KCNN2: variants seen among roughly 807,000 people sequenced by gnomAD.
KCNN2 encodes the protein small conductance calcium-activated potassium channel protein 2.
A neutral mutation model predicts 55.5 loss-of-function variants in KCNN2; 24 were observed. The ratio of observed to expected loss-of-function variants is 0.43; its 90% confidence interval spans 0.31 to 0.61. The LOEUF (loss-of-function observed/expected upper bound fraction) is 0.61, where lower values mean the gene tolerates loss of function less well. Among genes scored for constraint, KCNN2 ranks in the 20% least tolerant of loss-of-function variants. The probability of loss-of-function intolerance (pLI) is 0.08; values close to 1 mark genes in which losing one functional copy is unlikely to be tolerated. For synonymous variants in KCNN2, 431 were observed against 336.1 expected (o/e 1.28, Z -3.09); for missense variants, 754 against 853.6 (o/e 0.88, Z 1.45).
chr5:114,385,433 T>C (rs1758247135), intron 2 of KCNN2, among the ~76,000 whole-genome samples: 1 of 152,054 alleles, frequency 6.6e-6, no homozygotes. Context: ...AGCCAGAATC[T>C]TTCTTGTGGC....
intron 2 of KCNN2, among the ~76,000 whole-genome samples, chr5:114,312,432 CACATATATATATATATAT>C (rs1215909336): frequency 5.2e-5 from 1 of 19,310 alleles, no homozygotes; most frequent in African/African-American, 1.8e-4. Context: ...CACACACACA[CACATATATATATATATAT>C]ATATATATAT....
chr5:114,290,327 T>C (rs1755857497), intron 2 of KCNN2, among the ~76,000 whole-genome samples: 1 of 152,158 alleles, frequency 6.6e-6, no homozygotes, highest in Non-Finnish European at 1.5e-5. Context: ...GTTTTAGTAA[T>C]TTGTATATTT....
intron 1 of KCNN2, among the ~76,000 whole-genome samples, chr5:114,160,974 T>C (rs1177946886): frequency 1.3e-5 from 2 of 152,216 alleles, no homozygotes; most frequent in African/African-American, 4.8e-5. Context: ...CCAGTCTGTG[T>C]CTTTTAATTG....
rs946124581 is a variant in KCNN2, at chr5:114,362,535, G to A, written c.396G>A (p.Pro132=). The change falls in exon 1 of 8, where the codon CCG becomes CCA. Residue 132 remains proline, a synonymous_variant. Coordinates refer to ENST00000673685, the MANE Select transcript of KCNN2 (RefSeq NM_021614.4). ...GSQLNVSELT[P]SSHASALRQQ... The stretch of plus-strand genomic sequence containing the variant: ...AGCTCAATGTGAGCGAGCTGACGCC[G>A]TCCAGCCATGCCAGTGCGCTCCGGC... 3.7e-6 allele frequency: 2 copies of A among 547,534 alleles called. No homozygotes were observed. Among genetic ancestry groups the A allele is most frequent in the East Asian group, 3.3e-5 (1 of 30,002 alleles). 33.9% of individuals were successfully genotyped at this position (547,534 alleles called of 1,614,324 possible). A position where few individuals can be genotyped will look rare whatever the true frequency, so the allele number is the denominator to read the frequency against.
chr5:114,395,086 G>A (rs974204100), intron 2 of KCNN2, among the ~76,000 whole-genome samples: 5 of 152,112 alleles, frequency 3.3e-5, no homozygotes, highest in Admixed American at 6.6e-5. Context: ...AATTGTCCCC[G>A]ACTGCAAGAG....
intron 2 of KCNN2, among the ~76,000 whole-genome samples, chr5:114,367,580 G>C (rs1580755029): frequency 6.6e-6 from 1 of 151,944 alleles, no homozygotes; most frequent in African/African-American, 2.4e-5. Flanking sequence ...TTGATATTAA[G>C]TAAGTAGCCT....
At chr5:114,459,818 T>A (rs886306984) in intron 3 of KCNN2, among the ~76,000 whole-genome samples, 1 of 152,182 alleles carries the variant, frequency 6.6e-6, no homozygotes, top group African/African-American at 2.4e-5. Context: ...AGGATGACAA[T>A]CTCTGATGCA....
At chr5:114,059,530 G>A (rs932508121) in intron 1 of KCNN2, among the ~76,000 whole-genome samples, 1 of 152,200 alleles carries the variant, frequency 6.6e-6, no homozygotes, top group Non-Finnish European at 1.5e-5. Flanking sequence ...CAAAGTATAA[G>A]GAATAATAGG....
chr5:114,208,647 A>G (rs1753819018), intron 1 of KCNN2, among the ~76,000 whole-genome samples: 1 of 152,182 alleles, frequency 6.6e-6, no homozygotes, highest in Non-Finnish European at 1.5e-5. Context: ...AAGCTCAGGT[A>G]TATGATTCTA....
In KCNN2 at chr5:114,456,776, G is replaced by T. The variant is rs555171087; in HGVS notation, c.1638-6273G>T. On this transcript the variant is annotated intron_variant, in intron 3 of 7. Coordinates refer to ENST00000673685, the MANE Select transcript of KCNN2 (RefSeq NM_021614.4). Reference sequence around the variant, plus strand: ...TGAAAGGATTCAAATTTCAACAGAAGAAGTAGCTGCAGGTATAATGGAAAT... The same window carrying T: ...TGAAAGGATTCAAATTTCAACAGAATAAGTAGCTGCAGGTATAATGGAAAT... 6.6e-5 allele frequency among the ~76,000 whole-genome samples: 10 copies of T among 152,316 alleles called. No homozygotes were observed. The South Asian group carries it at 1.9e-3, about 28-fold the overall frequency.
chr5:114,242,423 T>C (rs1158025012), intron 2 of KCNN2, among the ~76,000 whole-genome samples: 1 of 152,190 alleles, frequency 6.6e-6, no homozygotes, highest in African/African-American at 2.4e-5. Flanking sequence ...TGATAACATA[T>C]CTAACAGGCA....
chr5:114,255,730 G>C (rs1488494625), intron 2 of KCNN2, among the ~76,000 whole-genome samples: 4 of 152,198 alleles, frequency 2.6e-5, no homozygotes, highest in Non-Finnish European at 5.9e-5. Flanking sequence ...AGCCAGATCA[G>C]AGATGATAGA....
At chr5:114,233,609 T>TA (rs1310878878) in intron 2 of KCNN2, among the ~76,000 whole-genome samples, 3 of 152,158 alleles carry the variant, frequency 2.0e-5, no homozygotes, top group Admixed American at 1.3e-4. Context: ...CCTGAACAGA[T>TA]ATATACAGTA....
chr5:114,210,363 T>G (rs2112581342), intron 1 of KCNN2, among the ~76,000 whole-genome samples: 1 of 152,250 alleles, frequency 6.6e-6, no homozygotes. Context: ...AAGGAAAATG[T>G]TGCAACTGGA....
At chr5:114,490,028 G>A (rs1466766648) in intron 6 of KCNN2, among the ~76,000 whole-genome samples, 1 of 152,136 alleles carries the variant, frequency 6.6e-6, no homozygotes, top group Non-Finnish European at 1.5e-5. Flanking sequence ...ATGCTGAACT[G>A]TCCAGGCCTG....
At chr5:114,399,565 T>G (rs926054107) in intron 2 of KCNN2, among the ~76,000 whole-genome samples, 3 of 152,184 alleles carry the variant, frequency 2.0e-5, no homozygotes, top group African/African-American at 7.2e-5. Flanking sequence ...TTTTATTTTT[T>G]TGTTGTGTCT....
At chr5:114,353,945 G>A (rs1757254902) in intron 2 of KCNN2, among the ~76,000 whole-genome samples, 2 of 151,968 alleles carry the variant, frequency 1.3e-5, no homozygotes, top group South Asian at 4.2e-4. Context: ...TCTTGGAGGT[G>A]TAGATGAATG....
intron 2 of KCNN2, among the ~76,000 whole-genome samples, chr5:114,374,123 A>C (rs1757863370): frequency 6.6e-6 from 1 of 152,028 alleles, no homozygotes; most frequent in African/African-American, 2.4e-5. Context: ...TTCCACATAA[A>C]CTTAACATGG....
intron 4 of KCNN2, among the ~76,000 whole-genome samples, chr5:114,471,866 A>T (rs190758107): frequency 6.6e-6 from 1 of 152,074 alleles, no homozygotes; most frequent in African/African-American, 2.4e-5. Flanking sequence ...TTTCTCCTCA[A>T]TCGTGTCCCT....
Sources: gnomAD v4.1 joint callset for allele counts (sites outside exome capture counted in the v4.1 genomes callset) on GRCh38, gnomAD v4.1.1 for gene constraint, MANE v1.5 for transcripts, NCBI Gene and HGNC (gene_info 2026-07-23, HGNC 2026-07-21) for gene names.